Variants in C7 observed in about 807,000 individuals in gnomAD.
C7 encodes the protein complement component C7.
C7 carries 83 observed loss-of-function variants against 104.8 expected under a neutral mutation model. That is an observed-to-expected ratio of 0.79 (90% CI 0.66 to 0.95). The LOEUF is 0.95. Ranked by LOEUF, C7 falls within the 40% of genes least tolerant of loss-of-function variation. The pLI, the probability that C7 is intolerant of heterozygous loss-of-function variation, is 0.00. For synonymous variants in C7, 415 were observed against 360.6 expected, an observed-to-expected ratio of 1.15 and a Z score of -1.71; for missense variants, 1,070 against 1,011.2, an observed-to-expected ratio of 1.06 and a Z score of -0.79.
chr5:40,958,484 CA>C (rs2111664978), intron 11 of C7, among the ~76,000 whole-genome samples: 1 of 152,298 alleles, frequency 6.6e-6, no homozygotes, highest in East Asian at 1.9e-4. Context: ...CTGTGCCCTC[CA>C]CTTCCCATTC....
intron 1 of C7, among the ~76,000 whole-genome samples, chr5:40,916,583 G>A (rs9292793): frequency 0.17 from 26,298 of 152,124 alleles, 2,574 homozygotes; most frequent in East Asian, 0.32. Context: ...GGAAATGCTC[G>A]AAACCATTTA....
Position 40,983,342 on chromosome 5 carries a change from A to G in C7, c.*1769A>G, listed in dbSNP as rs962408746. On this transcript the variant is annotated 3_prime_UTR_variant, in exon 18 of 18. Coordinates refer to ENST00000313164, the MANE Select transcript of C7 (RefSeq NM_000587.4). ...GGAGTTAGATTCCTACCGCTTATGT[A>G]TCACCATGCCCCCTTCCTAAATAAT... 1.3e-5 allele frequency among the ~76,000 whole-genome samples: 2 copies of G among 152,202 alleles called. No homozygotes were observed. The highest frequency in any genetic ancestry group is 2.9e-5 in the Non-Finnish European group (2 of 68,040).
chr5:40,943,692 TG>T (rs1739990612), intron 6 of C7, among the ~76,000 whole-genome samples: 5 of 148,544 alleles, frequency 3.4e-5, no homozygotes, highest in Admixed American at 3.3e-4. Context: ...TATATGTGTG[TG>T]TGTGTATATA....
chr5:40,954,877 C>CAA (rs35360366), intron 9 of C7: 1,576 of 54,544 alleles, frequency 0.029, 158 homozygotes, highest in African/African-American at 0.067. Flanking sequence ...AATACTGTCT[C>CAA]AAAAAAAAAA....
chr5:40,978,126 C>G (rs761761785), intron 16 of C7, among the ~76,000 whole-genome samples: 1 of 133,640 alleles, frequency 7.5e-6, no homozygotes, highest in African/African-American at 2.9e-5. Context: ...CAGAGCCAGA[C>G]CCTATCTCAA....
chr5:40,976,736 T>C lies in C7; in HGVS notation c.2075-14T>C, dbSNP rs1162114405. The C allele has an allele frequency of 1.3e-6, 2 of 1,571,752 alleles. No individual in the cohort carries two copies. Among genetic ancestry groups the C allele is most frequent in the South Asian group, 2.3e-5 (2 of 85,520 alleles). On this transcript the variant is annotated splice_polypyrimidine_tract_variant and intron_variant, in intron 15 of 17. Transcript: ENST00000313164. ...TTTTCTCCTAACGACCACATCTCCC[T>C]TATCCTTTTTTAGAAAATCCGTTAA... is the stretch of plus-strand genomic sequence containing the variant.
chr5:40,921,494 A>G (rs1052609719), intron 1 of C7, among the ~76,000 whole-genome samples: 2 of 152,152 alleles, frequency 1.3e-5, no homozygotes, highest in East Asian at 1.9e-4. Flanking sequence ...CCAAGTAGCT[A>G]AAGAAATTCT....
chr5:40,950,653 C>T (rs1417351107), intron 9 of C7, among the ~76,000 whole-genome samples: 1 of 152,160 alleles, frequency 6.6e-6, no homozygotes, highest in East Asian at 1.9e-4. Flanking sequence ...TGAGACATCA[C>T]ACAGGATAGG....
chr5:40,971,774 G>A (rs1179798377), intron 14 of C7, among the ~76,000 whole-genome samples: 2 of 152,072 alleles, frequency 1.3e-5, no homozygotes, highest in Non-Finnish European at 2.9e-5. Flanking sequence ...TAAGGTATAA[G>A]GAAGGGGTCC....
intron 2 of C7, among the ~76,000 whole-genome samples, chr5:40,930,789 C>T (rs1739665941): frequency 6.6e-6 from 1 of 151,990 alleles, no homozygotes; most frequent in African/African-American, 2.4e-5. Context: ...TGGTCTCGAA[C>T]TCCTGACCTC....
intron 14 of C7, among the ~76,000 whole-genome samples, chr5:40,969,060 C>T (rs1740633159): frequency 1.3e-5 from 2 of 152,032 alleles, no homozygotes; most frequent in Admixed American, 1.3e-4. Context: ...ACTTCCCGCC[C>T]AGTTTCCCTA....
At chr5:40,975,062 G>T (rs1209992710) in intron 15 of C7, among the ~76,000 whole-genome samples, 2 of 152,098 alleles carry the variant, frequency 1.3e-5, no homozygotes, top group Non-Finnish European at 2.9e-5. Context: ...ACTGCCCCTG[G>T]TTGAGAAGCA....
chr5:40,933,953 TG>T (rs1739749584), intron 3 of C7, among the ~76,000 whole-genome samples: 1 of 151,518 alleles, frequency 6.6e-6, no homozygotes, highest in Non-Finnish European at 1.5e-5. Context: ...TTTTTTTTTT[TG>T]AGACGGTGTC....
At chr5:40,959,427 C>T (rs781634994) in intron 11 of C7, 22 bp from the exon 12 acceptor site, 2 of 1,599,286 alleles carry the variant, frequency 1.3e-6, no homozygotes, top group East Asian at 4.5e-5. Flanking sequence ...ACTTATTGAT[C>T]AACCTCTTTC....
chr5:40,964,565 G>T, intron 13 of C7, 176 bp from the exon 14 acceptor site: 1 of 540,684 alleles, frequency 1.8e-6, no homozygotes, highest in Non-Finnish European at 3.3e-6. Context: ...TCAATTAATG[G>T]TGGTGCTAGT....
At chr5:40,953,854 TA>T (rs374481777) in intron 9 of C7, among the ~76,000 whole-genome samples, 1 of 41,802 alleles carries the variant, frequency 2.4e-5, no homozygotes, top group African/African-American at 5.0e-5. Flanking sequence ...ATGCACCCCA[TA>T]AACATGTACC....
intron 17 of C7, among the ~76,000 whole-genome samples, chr5:40,980,620 G>T (rs745692776): frequency 6.6e-6 from 1 of 152,204 alleles, no homozygotes; most frequent in South Asian, 2.1e-4. Flanking sequence ...AAGTGGAATG[G>T]CTGGGTCTCC....
intron 6 of C7, among the ~76,000 whole-genome samples, chr5:40,939,157 C>T (rs1739878681): frequency 6.6e-6 from 1 of 152,184 alleles, no homozygotes; most frequent in African/African-American, 2.4e-5. Context: ...TTAACCTTCT[C>T]CAGAAAGCAG....
intron 1 of C7, among the ~76,000 whole-genome samples, chr5:40,920,411 T>C (rs1220130489): frequency 6.6e-6 from 1 of 151,918 alleles, no homozygotes; most frequent in Non-Finnish European, 1.5e-5. Flanking sequence ...AATATAAATA[T>C]CTGTTTTATA....
Sources: allele counts gnomAD v4.1 joint callset (sites outside exome capture counted in the v4.1 genomes callset), GRCh38; gene constraint gnomAD v4.1.1; transcripts MANE v1.5; gene names NCBI Gene and HGNC (gene_info 2026-07-23, HGNC 2026-07-21).